NRXN1: variants seen among roughly 807,000 people sequenced by gnomAD.
The protein encoded by NRXN1 is neurexin 1.
A neutral mutation model predicts 150.9 loss-of-function variants in NRXN1; 39 were observed. The observed-to-expected ratio is 0.26, with a 90% CI of 0.20 to 0.34. The LOEUF (loss-of-function observed/expected upper bound fraction) is 0.34, where lower values mean the gene tolerates loss of function less well. Ranked by LOEUF, NRXN1 falls within the 10% of genes least tolerant of loss-of-function variation. The pLI is 1.00. For missense variants in NRXN1, 1,815 were observed against 1,949.9 expected, an observed-to-expected ratio of 0.93 and a Z score of 1.30; for synonymous variants, 924 against 757.0, an observed-to-expected ratio of 1.22 and a Z score of -3.62.
At chr2:51,008,168 T>A (rs878923437) in intron 2 of NRXN1, among the ~76,000 whole-genome samples, 4 of 151,946 alleles carry the variant, frequency 2.6e-5, no homozygotes, top group Admixed American at 2.0e-4. Context: ...AGATCAGTTA[T>A]AAAGAAAAAT....
At chr2:50,892,513 G>A (rs190638044) in intron 5 of NRXN1, among the ~76,000 whole-genome samples, 218 of 152,178 alleles carry the variant, frequency 1.4e-3, no homozygotes, top group South Asian at 2.3e-3. Context: ...ATCTTACAGA[G>A]GCAGTAATAC....
At chr2:50,317,226 A>G (rs898328583) in intron 17 of NRXN1, among the ~76,000 whole-genome samples, 32 of 152,002 alleles carry the variant, frequency 2.1e-4, no homozygotes, top group Middle Eastern at 3.2e-3. Flanking sequence ...ACAATTCTAC[A>G]TAATTGATTA....
chr2:50,274,564 T>C (rs924056965), intron 17 of NRXN1, among the ~76,000 whole-genome samples: 1 of 151,746 alleles, frequency 6.6e-6, no homozygotes, highest in Non-Finnish European at 1.5e-5. Context: ...GAGTATAATT[T>C]AAAAAAAGAG....
chr2:50,421,995 T>A (rs980606433), intron 17 of NRXN1, among the ~76,000 whole-genome samples: 2 of 152,174 alleles, frequency 1.3e-5, no homozygotes, highest in African/African-American at 2.4e-5. Context: ...CTTTCCTTCA[T>A]ATACGCTTTC....
At chr2:50,000,157 T>C (rs1683663871) in intron 21 of NRXN1, among the ~76,000 whole-genome samples, 1 of 152,140 alleles carries the variant, frequency 6.6e-6, no homozygotes, top group Non-Finnish European at 1.5e-5. Context: ...CAGAAAATCC[T>C]CACTAAAAGT....
intron 17 of NRXN1, chr2:50,312,771 T>C (rs2075284744): frequency 1.9e-6 from 1 of 516,046 alleles, no homozygotes; most frequent in Non-Finnish European, 3.9e-6. Context: ...TTTCAGCTAC[T>C]TCATTTATCA....
intron 21 of NRXN1, among the ~76,000 whole-genome samples, chr2:49,978,124 C>T (rs542520966): frequency 3.3e-5 from 5 of 152,022 alleles, no homozygotes; most frequent in South Asian, 2.1e-4. Flanking sequence ...ATTGCACCAC[C>T]GCACTCCAGC....
At chr2:50,760,996 T>C (rs1701739088) in intron 5 of NRXN1, among the ~76,000 whole-genome samples, 1 of 151,958 alleles carries the variant, frequency 6.6e-6, no homozygotes, top group African/African-American at 2.4e-5. Flanking sequence ...AACCAACCAA[T>C]TAATTCTCTA....
chr2:50,502,900 T>A (rs2092022392), intron 13 of NRXN1, among the ~76,000 whole-genome samples: 1 of 152,158 alleles, frequency 6.6e-6, no homozygotes, highest in African/African-American at 2.4e-5. Flanking sequence ...TGAGGTCACC[T>A]ACCACCCAAA....
At position 50,506,516 on chromosome 2, in the gene NRXN1, C is replaced by G; in HGVS notation, c.2476G>C (p.Asp826His). The G allele has an allele frequency of 1.2e-6, 2 of 1,612,960 alleles. No individual in the cohort carries two copies. Among genetic ancestry groups the G allele is most frequent in the South Asian group, 1.1e-5 (1 of 90,978 alleles). The change falls in exon 13 of 23, where the codon GAT becomes CAT. Residue 826 changes from aspartate (D) to histidine (H), a missense_variant. Coordinates refer to ENST00000401669, the MANE Select transcript of NRXN1 (RefSeq NM_001330078.2). ...RRGKSLKLTV[D>H]DQQAMTGQMA... ...TTACCTGTCATGGCCTGTTGGTCAT[C>G]CACTGTTAACTTTAAACTTTTTCCA...
At chr2:50,937,391 G>T (rs1558452843) in intron 2 of NRXN1, among the ~76,000 whole-genome samples, 1 of 152,008 alleles carries the variant, frequency 6.6e-6, no homozygotes, top group Non-Finnish European at 1.5e-5. Flanking sequence ...TTTCCTGCTT[G>T]GCTTCTATGA....
At chr2:50,773,009 G>A (rs1166344312) in intron 5 of NRXN1, among the ~76,000 whole-genome samples, 2 of 152,106 alleles carry the variant, frequency 1.3e-5, no homozygotes, top group Non-Finnish European at 2.9e-5. Flanking sequence ...CTTTCCCACT[G>A]TGCTTGGTTC....
At chr2:51,006,894 A>T (rs1315498518) in intron 2 of NRXN1, among the ~76,000 whole-genome samples, 1 of 151,768 alleles carries the variant, frequency 6.6e-6, no homozygotes, top group Non-Finnish European at 1.5e-5. Flanking sequence ...TACCTCCCAA[A>T]TCTGAGTTGC....
chr2:50,182,770 TTA>T (rs1180252351), intron 18 of NRXN1, among the ~76,000 whole-genome samples: 1 of 152,048 alleles, frequency 6.6e-6, no homozygotes, highest in Non-Finnish European at 1.5e-5. Flanking sequence ...AAAAAGAAAG[TTA>T]TTTCAAATAA....
intron 18 of NRXN1, among the ~76,000 whole-genome samples, chr2:50,132,712 T>C (rs1472048839): frequency 1.3e-5 from 2 of 152,100 alleles, no homozygotes; most frequent in Non-Finnish European, 2.9e-5. Context: ...TTCTCTCTAT[T>C]CCTTGGAAAC....
chr2:50,981,457 CAAA>C (rs70958635), intron 2 of NRXN1, among the ~76,000 whole-genome samples: 2 of 23,272 alleles, frequency 8.6e-5, no homozygotes, highest in African/African-American at 3.5e-4. Context: ...AACTCTATCT[CAAA>C]AAAAAAAAAA....
In NRXN1 at chr2:50,465,462, C is replaced by G. The variant is rs201871194; in HGVS notation, c.3344G>C (p.Ser1115Thr). 6.2e-7 allele frequency: 1 copy of G among 1,610,156 alleles called. No homozygotes were observed. Among genetic ancestry groups the G allele is most frequent in the East Asian group, 2.2e-5 (1 of 44,750 alleles). Residue 1115 changes from serine (S) to threonine (T), a missense_variant, in exon 17 of 23, where the codon AGT becomes ACT. Transcript: ENST00000401669. ...CTTACGGTCATTGCAGAGTGGTCCA[C>G]TGAAGGAAGTCATACTACAGTCACA... ...FSCDCSMTSF[S>T]GPLCNDPGTT...
At chr2:50,219,843 C>T (rs1241766170) in intron 18 of NRXN1, among the ~76,000 whole-genome samples, 11 of 144,796 alleles carry the variant, frequency 7.6e-5, no homozygotes, top group African/African-American at 2.8e-4. Context: ...TGAGCTATAA[C>T]CACACTACTG....
intron 5 of NRXN1, among the ~76,000 whole-genome samples, chr2:50,822,560 A>C (rs77480560): frequency 6.6e-6 from 1 of 152,272 alleles, no homozygotes; most frequent in East Asian, 1.9e-4. Flanking sequence ...CTTACAGCCA[A>C]ATCTAATCAA....
Sources: allele counts gnomAD v4.1 joint callset (sites outside exome capture counted in the v4.1 genomes callset), GRCh38; gene constraint gnomAD v4.1.1; transcripts MANE v1.5; gene names NCBI Gene and HGNC (gene_info 2026-07-23, HGNC 2026-07-21).